TMEM44: variants seen among roughly 807,000 people sequenced by gnomAD.
TMEM44 encodes transmembrane protein 44.
In TMEM44, 43 loss-of-function variants were observed where a neutral mutation model predicts 47.8. The observed-to-expected ratio is 0.90, with a 90% CI of 0.70 to 1.16. The LOEUF (loss-of-function observed/expected upper bound fraction) is 1.16, where lower values mean the gene tolerates loss of function less well. TMEM44 is among the 50% of genes most tolerant of loss of function. The pLI is 0.00. For missense variants in TMEM44, 568 were observed against 555.2 expected (o/e 1.02, Z -0.23); for synonymous variants, 277 against 238.8 (o/e 1.16, Z -1.48).
At position 194,611,983 on chromosome 3, in the gene TMEM44, C is replaced by T. The variant is rs1312026712; in HGVS notation, c.913-963G>A. On this transcript the variant is annotated intron_variant, in intron 7 of 9. Coordinates refer to ENST00000347147, the MANE Select transcript of TMEM44 (RefSeq NM_001011655.3). This position sits in a 1 kb window ranked among gnomAD's most constrained non-coding sequence, Gnocchi z 4.2. ...GTTGCAGCAAGCTGAGATCGTGCCA[C>T]TGCAATCCAGCCTGGACAACAGTGA... 6.6e-6 allele frequency among the ~76,000 whole-genome samples: 1 copy of T among 151,920 alleles called. No homozygotes were observed. Among genetic ancestry groups the T allele is most frequent in the Non-Finnish European group, 1.5e-5 (1 of 67,996 alleles).
intron 9 of TMEM44, among the ~76,000 whole-genome samples, chr3:194,598,394 C>T (rs757906043): frequency 1.3e-5 from 2 of 151,746 alleles, no homozygotes; most frequent in South Asian, 2.1e-4. Context: ...CACACCTTCC[C>T]GGGTACCAGT....
intron 8 of TMEM44, among the ~76,000 whole-genome samples, chr3:194,607,345 A>G (rs2109177431): frequency 6.6e-6 from 1 of 152,294 alleles, no homozygotes; most frequent in Non-Finnish European, 1.5e-5. Flanking sequence ...TTTCTAAATT[A>G]CCCAGCCTCA....
At chr3:194,595,772 T>C (rs1161814821) in intron 9 of TMEM44, among the ~76,000 whole-genome samples, 3 of 152,060 alleles carry the variant, frequency 2.0e-5, no homozygotes, top group African/African-American at 7.2e-5. Context: ...ATTACAGGCG[T>C]GCGCCACCAT....
In TMEM44 at chr3:194,633,323, C is replaced by G. The variant is rs1414505434; in HGVS notation, c.-108G>C. 2 of 448,094 alleles carry G rather than the reference C, an allele frequency of 4.5e-6. No homozygotes were observed. The allele number at this position is 448,094 out of a possible 1,614,324, so 27.8% of individuals were successfully genotyped here. A position where few individuals can be genotyped will look rare whatever the true frequency, so the allele number is the denominator to read the frequency against. ...CGCGTGCCCTTCTCTGGGTTCCGTT[C>G]CGCCGCGGCGCCTCCGGCCGAGCGC... is the stretch of plus-strand genomic sequence containing the variant. On this transcript the variant is annotated 5_prime_UTR_variant, in exon 1 of 10. Transcript: ENST00000347147.
At chr3:194,610,714 A>T (rs888054684) in intron 8 of TMEM44, among the ~76,000 whole-genome samples, 1 of 152,170 alleles carries the variant, frequency 6.6e-6, no homozygotes, top group Non-Finnish European at 1.5e-5. Context: ...GTTTCATCAG[A>T]GGGGACAGGG....
intron 9 of TMEM44, among the ~76,000 whole-genome samples, chr3:194,599,141 G>A (rs1191254539): frequency 1.3e-5 from 2 of 152,208 alleles, no homozygotes; most frequent in African/African-American, 4.8e-5. Context: ...AAGTGAGGAC[G>A]TAAGGCCCTG....
intron 8 of TMEM44, among the ~76,000 whole-genome samples, chr3:194,607,579 C>T (rs1464786351): frequency 2.6e-5 from 4 of 152,230 alleles, no homozygotes; most frequent in Admixed American, 2.6e-4. Flanking sequence ...GGTTCTATCA[C>T]TGACAAACTG....
At chr3:194,623,137 C>T (rs1716744079) in intron 5 of TMEM44, 87 bp downstream of exon 5, 2 of 1,333,392 alleles carry the variant, frequency 1.5e-6, no homozygotes, top group Non-Finnish European at 2.1e-6. Flanking sequence ...TGACGCCACA[C>T]CTCCGCCCCA....
chr3:194,632,709 C>T (rs908902713), intron 1 of TMEM44, among the ~76,000 whole-genome samples: 2 of 152,176 alleles, frequency 1.3e-5, no homozygotes, highest in Admixed American at 1.3e-4. Flanking sequence ...TCATCGAATC[C>T]TCCCATCATC....
chr3:194,599,327 G>A (rs1487762098), intron 9 of TMEM44, among the ~76,000 whole-genome samples: 2 of 152,060 alleles, frequency 1.3e-5, no homozygotes, highest in African/African-American at 2.4e-5. Context: ...GAAAATGTGC[G>A]CTGCATGAGT....
intron 9 of TMEM44, chr3:194,589,510 C>G (rs551907734): frequency 6.6e-6 from 1 of 152,092 alleles, no homozygotes; most frequent in Non-Finnish European, 1.5e-5. Flanking sequence ...AGCAAACGTT[C>G]GCTCCTGCTC....
At chr3:194,621,704 C>T (rs1347277697) in intron 5 of TMEM44, among the ~76,000 whole-genome samples, 1 of 148,864 alleles carries the variant, frequency 6.7e-6, no homozygotes, top group Non-Finnish European at 1.5e-5. Flanking sequence ...AACCAAGATG[C>T]TCCTGGGCAA....
chr3:194,631,656 A>G (rs1324886060), intron 1 of TMEM44, among the ~76,000 whole-genome samples: 5 of 152,222 alleles, frequency 3.3e-5, no homozygotes, highest in Non-Finnish European at 5.9e-5. Context: ...TCTGGTGAGA[A>G]GGTGAGTTAA....
intron 6 of TMEM44, chr3:194,616,603 GA>G (rs1560184390): frequency 2.2e-6 from 1 of 456,730 alleles, no homozygotes; most frequent in Admixed American, 2.3e-5. Flanking sequence ...AGAGGCAAGC[GA>G]AGATTCCCCT....
Position 194,611,922 on chromosome 3 carries a change from G to A in TMEM44, c.913-902C>T, listed in dbSNP as rs1057289698. Among the ~76,000 whole-genome samples the A allele has an allele frequency of 1.3e-5, 2 of 151,956 alleles. No homozygotes were observed. Among genetic ancestry groups the A allele is most frequent in the African/African-American group, 2.4e-5 (1 of 41,362 alleles). ...CTGTAATCCTAGCTACGTGGGAGGC[G>A]GAGGCAGGAGAATCGCTTGAACCCA... On this transcript the variant is annotated intron_variant, in intron 7 of 9. Transcript: ENST00000347147. The surrounding 1 kb of genome is among the most constrained non-coding windows in gnomAD (Gnocchi z 4.2).
chr3:194,603,555 G>T (rs1395321547), intron 9 of TMEM44, among the ~76,000 whole-genome samples: 4 of 152,018 alleles, frequency 2.6e-5, no homozygotes, highest in Admixed American at 2.6e-4. Flanking sequence ...GAACCACCAC[G>T]CCTGGCTAAT....
At chr3:194,631,015 G>A (rs1374010757) in intron 1 of TMEM44, among the ~76,000 whole-genome samples, 3 of 147,088 alleles carry the variant, frequency 2.0e-5, no homozygotes, top group Admixed American at 6.7e-5. Flanking sequence ...CCTGCCTCCC[G>A]AAGGGGCTGG....
intron 7 of TMEM44, 29 bp downstream of exon 7, chr3:194,615,526 ACCAGAGTTTTCCAG>A (rs1439374388): frequency 1.2e-6 from 2 of 1,604,784 alleles, no homozygotes; most frequent in African/African-American, 2.7e-5. Flanking sequence ...TGTTGCTGGG[ACCAGAGTTTTCCAG>A]CCAGAGAGAC....
intron 9 of TMEM44, among the ~76,000 whole-genome samples, chr3:194,599,632 T>A (rs1713843321): frequency 1.3e-5 from 2 of 149,432 alleles, no homozygotes. Flanking sequence ...TTGTCCAGGC[T>A]GGAATGCGGT....
Sources: allele counts gnomAD v4.1 joint callset (sites outside exome capture counted in the v4.1 genomes callset), GRCh38; gene constraint gnomAD v4.1.1; non-coding constraint Gnocchi (gnomAD v3.1); transcripts MANE v1.5; gene names NCBI Gene and HGNC (gene_info 2026-07-23, HGNC 2026-07-21).